The following FRMPD2 variants were observed in gnomAD, a reference collection of about 807,000 sequenced individuals.
FRMPD2 encodes the protein FERM and PDZ domain-containing protein 2.
A neutral mutation model predicts 140.1 loss-of-function variants in FRMPD2; 96 were observed. That is an observed-to-expected ratio of 0.69 (90% confidence interval 0.58 to 0.81). The LOEUF (loss-of-function observed/expected upper bound fraction) is 0.81. Among genes scored for constraint, FRMPD2 ranks in the 40% least tolerant of loss-of-function variants. The probability of loss-of-function intolerance (pLI) is 0.00; values close to 1 mark genes in which losing one functional copy is unlikely to be tolerated. For synonymous variants in FRMPD2, 449 were observed against 547.6 expected (o/e 0.82, Z 2.52); for missense variants, 1,240 against 1,447.4 (o/e 0.86, Z 2.32).
At chr10:48,207,237 A>G (rs929934932) in intron 13 of FRMPD2, among the ~76,000 whole-genome samples, 1 of 151,962 alleles carries the variant, frequency 6.6e-6, no homozygotes, top group African/African-American at 2.4e-5. Flanking sequence ...ACAGTACAAT[A>G]ATAATATTCT....
chr10:48,196,509 G>C (rs11101255), intron 15 of FRMPD2, among the ~76,000 whole-genome samples: 2 of 152,198 alleles, frequency 1.3e-5, no homozygotes, highest in Admixed American at 6.5e-5. Context: ...GGTGACAAGT[G>C]GGGTGGGAAG....
At chr10:48,205,358 G>C (rs1839179480) in intron 14 of FRMPD2, among the ~76,000 whole-genome samples, 2 of 152,130 alleles carry the variant, frequency 1.3e-5, no homozygotes, top group African/African-American at 2.4e-5. Flanking sequence ...CCCTGGTGGG[G>C]GGAAATAAAT....
chr10:48,240,476 A>C lies in FRMPD2; in HGVS notation c.584T>G (p.Val195Gly). The C allele has an allele frequency of 6.2e-7, 1 of 1,613,818 alleles. No individual in the cohort carries two copies. The highest frequency in any genetic ancestry group is 8.5e-7 in the Non-Finnish European group (1 of 1,180,020). The change falls in exon 6 of 29, where the codon GTG becomes GGG. Residue 195 changes from valine (V) to glycine (G), a missense_variant. Val to Gly is a moderately radical substitution (Grantham distance 109, BLOSUM62 -3). Around this residue, in one of 6 missense-constraint regions of FRMPD2, gnomAD observed 1,161 missense variants for 1,055.9 expected, o/e 1.10. Transcript: ENST00000374201. ...GTISEVEKRV[V>G]EESSSVQQNR... Reference sequence around the variant, plus strand: ...CTGCTGCACAGAGGAGCTTTCCTCCACAACTCTTTTCTCCACCTGGGGGTC... The same window carrying C: ...CTGCTGCACAGAGGAGCTTTCCTCCCCAACTCTTTTCTCCACCTGGGGGTC...
intron 2 of FRMPD2, among the ~76,000 whole-genome samples, chr10:48,251,048 C>T (rs1316157104): frequency 6.6e-6 from 1 of 152,076 alleles, no homozygotes; most frequent in African/African-American, 2.4e-5. Flanking sequence ...GGTAATCTGC[C>T]CACCTTGGCC....
intron 12 of FRMPD2, 130 bp downstream of exon 12, chr10:48,222,183 G>A: frequency 1.2e-6 from 1 of 828,090 alleles, no homozygotes; most frequent in Non-Finnish European, 1.9e-6. Context: ...GATAAATGTA[G>A]TTTACTCCAA....
At chr10:48,176,525 G>C (rs1414120850) in intron 22 of FRMPD2, among the ~76,000 whole-genome samples, 4 of 150,718 alleles carry the variant, frequency 2.7e-5, no homozygotes, top group Non-Finnish European at 5.9e-5. Flanking sequence ...GCTTTTCACG[G>C]GTTTGAGTGT....
intron 28 of FRMPD2, chr10:48,159,141 A>G: frequency 4.4e-6 from 2 of 456,196 alleles, no homozygotes; most frequent in Non-Finnish European, 8.8e-6. Context: ...CAGGCCCCAT[A>G]TTGAGGTCTC....
intron 13 of FRMPD2, among the ~76,000 whole-genome samples, chr10:48,208,845 G>A (rs575709328): frequency 6.6e-6 from 1 of 152,280 alleles, no homozygotes; most frequent in African/African-American, 2.4e-5. Flanking sequence ...AAGTTGAGAT[G>A]GGACCAAGCA....
chr10:48,179,736 A>G (rs1194462230), intron 21 of FRMPD2, among the ~76,000 whole-genome samples: 60 of 152,102 alleles, frequency 3.9e-4, no homozygotes, highest in Admixed American at 7.2e-4. Flanking sequence ...CTTAGTTTCC[A>G]CGGCTGTGGA....
rs146726612 is a variant in FRMPD2, at chr10:48,251,566, C to G, written c.151G>C (p.Asp51His). Reference sequence around the variant, plus strand: ...TGACTGCCCCCAAACACTCTCTTACCGTTGCGGAGGTCTTCCAGGAGCTGC... The same window carrying G: ...TGACTGCCCCCAAACACTCTCTTACGGTTGCGGAGGTCTTCCAGGAGCTGC... Reference protein sequence around the residue: ...AEQLLEDLRNDSSDYVVCPWS... With the variant: ...AEQLLEDLRNHSSDYVVCPWS... Residue 51 changes from aspartate (D) to histidine (H), a missense_variant and splice_region_variant, in exon 2 of 29, where the codon GAT becomes CAT. Physicochemically the swap from Asp to His is moderately conservative, Grantham distance 81. Coordinates refer to ENST00000374201, the MANE Select transcript of FRMPD2 (RefSeq NM_001018071.4). 7 of 1,613,604 alleles carry G rather than the reference C, an allele frequency of 4.3e-6. No homozygotes were observed. In the South Asian group the frequency reaches 6.6e-5, roughly 15 times the overall value.
intron 2 of FRMPD2, among the ~76,000 whole-genome samples, chr10:48,249,736 A>G (rs1378404159): frequency 6.6e-6 from 1 of 152,194 alleles, no homozygotes; most frequent in African/African-American, 2.4e-5. Flanking sequence ...GTGGGTACTC[A>G]GCATTTGTTC....
intron 20 of FRMPD2, among the ~76,000 whole-genome samples, chr10:48,183,913 G>A (rs1838613212): frequency 6.7e-6 from 1 of 148,692 alleles, no homozygotes; most frequent in Non-Finnish European, 1.5e-5. Flanking sequence ...GCTAAATAAT[G>A]AGAACCCATG....
intron 9 of FRMPD2, among the ~76,000 whole-genome samples, chr10:48,234,805 C>T (rs907837676): frequency 2.6e-5 from 4 of 152,144 alleles, no homozygotes; most frequent in African/African-American, 2.4e-5. Flanking sequence ...TCAAGATGCT[C>T]GCCCCAGACA....
At chr10:48,201,506 T>A in intron 14 of FRMPD2, 122 bp from the exon 15 acceptor site, 1 of 710,286 alleles carries the variant, frequency 1.4e-6, no homozygotes, top group East Asian at 2.8e-5. Context: ...CACGGGTGCA[T>A]GGCAGATGCT....
In FRMPD2 at chr10:48,223,048, G is replaced by A. The variant is rs575607443; in HGVS notation, c.1316+75C>T. On this transcript the variant is annotated intron_variant, in intron 11 of 28. Coordinates refer to ENST00000374201, the MANE Select transcript of FRMPD2 (RefSeq NM_001018071.4). ...ATTTACAGTTTGCAAAGCACTTGTC[G>A]ATCCATTACCTCTCCGTCAGCCTGG... 68 of 1,370,580 alleles carry A rather than the reference G, an allele frequency of 5.0e-5. No homozygotes were observed. In the African/African-American group the frequency reaches 5.9e-4, roughly 12 times the overall value. The allele number at this position is 1,370,580 out of a possible 1,614,324, so 84.9% of individuals were successfully genotyped here. A position where few individuals can be genotyped will look rare whatever the true frequency, so the allele number is the denominator to read the frequency against.
intron 12 of FRMPD2, among the ~76,000 whole-genome samples, chr10:48,219,043 C>G (rs1839518361): frequency 6.6e-6 from 1 of 151,996 alleles, no homozygotes; most frequent in Non-Finnish European, 1.5e-5. Context: ...ACTTGTGGGG[C>G]CAGGAACTCT....
At position 48,274,540 on chromosome 10, in the gene FRMPD2, T is replaced by C; in HGVS notation, c.25+3A>G. Reference sequence around the variant, plus strand: ...GAGAAAACTGAATGATGCCAAGGAATACCTGCGTCCTTCGTTAAAGGCTGC... The same window carrying C: ...GAGAAAACTGAATGATGCCAAGGAACACCTGCGTCCTTCGTTAAAGGCTGC... On this transcript the variant is annotated splice_donor_region_variant and intron_variant, in intron 1 of 28. Transcript: ENST00000374201. 1 of 1,614,034 alleles carries C rather than the reference T, an allele frequency of 6.2e-7. No homozygotes were observed. Among genetic ancestry groups the C allele is most frequent in the Non-Finnish European group, 8.5e-7 (1 of 1,179,874 alleles).
Position 48,222,391 on chromosome 10 carries a change from C to G in FRMPD2, c.1377G>C (p.Arg459Ser). The G allele has an allele frequency of 6.2e-7, 1 of 1,614,196 alleles. No individual in the cohort carries two copies. Among genetic ancestry groups the G allele is most frequent in the South Asian group, 1.1e-5 (1 of 91,084 alleles). The change falls in exon 12 of 29, where the codon AGG becomes AGC. Residue 459 changes from arginine to serine, a missense_variant. Arg to Ser is a moderately radical substitution (Grantham distance 110). Around this residue, in one of 6 missense-constraint regions of FRMPD2, gnomAD observed 1,161 missense variants for 1,055.9 expected, o/e 1.10. Coordinates refer to ENST00000374201, the MANE Select transcript of FRMPD2 (RefSeq NM_001018071.4). ...LQLRKDILEE[R>S]LYCNEEILLQ... The stretch of plus-strand genomic sequence containing the variant: ...GCAGTATCTCTTCATTGCAGTACAG[C>G]CTCTCCTCCAGGATATCTTTCCGAA...
At chr10:48,271,330 C>G (rs1484189750) in intron 1 of FRMPD2, among the ~76,000 whole-genome samples, 4 of 152,208 alleles carry the variant, frequency 2.6e-5, no homozygotes. Context: ...GGACTGGCAT[C>G]ATACAAAAAT....
Sources: allele counts gnomAD v4.1 joint callset (sites outside exome capture counted in the v4.1 genomes callset), GRCh38; gene constraint gnomAD v4.1.1; regional missense constraint gnomAD v4.1.1; transcripts MANE v1.5; gene names NCBI Gene and HGNC (gene_info 2026-07-23, HGNC 2026-07-21).